NKAIN2: variants seen among roughly 807,000 people sequenced by gnomAD.
NKAIN2 encodes sodium/potassium transporting ATPase interacting 2.
Under a neutral mutation model 32.6 loss-of-function variants are expected in NKAIN2, and 14 were observed. The observed-to-expected ratio is 0.43, with a 90% confidence interval of 0.28 to 0.67. The LOEUF is 0.67. Among genes scored for constraint, NKAIN2 ranks in the 30% least tolerant of loss-of-function variants. NKAIN2 has a pLI of 0.17. For missense variants in NKAIN2, 198 were observed against 258.3 expected (o/e 0.77, Z 1.60); for synonymous variants, 80 against 87.2 (o/e 0.92, Z 0.46).
chr6:124,621,973 C>T (rs1783122865), intron 3 of NKAIN2, among the ~76,000 whole-genome samples: 1 of 152,132 alleles, frequency 6.6e-6, no homozygotes, highest in Non-Finnish European at 1.5e-5. Flanking sequence ...TAATTAATCT[C>T]ACATTTAAGT....
intron 3 of NKAIN2, among the ~76,000 whole-genome samples, chr6:124,600,230 G>A (rs990272876): frequency 3.9e-5 from 6 of 152,042 alleles, no homozygotes; most frequent in African/African-American, 1.2e-4. Flanking sequence ...AACATTTTGA[G>A]GTTAACATTG....
chr6:124,289,815 TG>T (rs1164439017), intron 2 of NKAIN2, among the ~76,000 whole-genome samples: 3 of 152,178 alleles, frequency 2.0e-5, no homozygotes, highest in Non-Finnish European at 4.4e-5. Context: ...CATTAATCTA[TG>T]TTCAAGTAGT....
In NKAIN2 at chr6:124,447,422, G is replaced by C. The variant is rs141970697; in HGVS notation, c.273+92075G>C. 1.6e-3 allele frequency among the ~76,000 whole-genome samples: 251 copies of C among 152,218 alleles called. 2 individuals are homozygous for C. Among genetic ancestry groups the C allele is most frequent in the African/African-American group, 5.8e-3 (241 of 41,560 alleles). On this transcript the variant is annotated intron_variant, in intron 3 of 6. Coordinates refer to ENST00000368417, the MANE Select transcript of NKAIN2 (RefSeq NM_001040214.3). ...GTTTTCATGAAAGAAGGATGGAAAT[G>C]CCTTAACCAGTTATTCTTGTAATTA...
chr6:123,909,941 T>C (rs1440009254), intron 1 of NKAIN2, among the ~76,000 whole-genome samples: 1 of 152,140 alleles, frequency 6.6e-6, no homozygotes, highest in African/African-American at 2.4e-5. Context: ...TGGGTGATTA[T>C]TAAATCTAGG....
intron 4 of NKAIN2, among the ~76,000 whole-genome samples, chr6:124,664,398 G>A (rs1772670632): frequency 6.6e-6 from 1 of 151,740 alleles, no homozygotes; most frequent in Admixed American, 6.6e-5. Flanking sequence ...TAATTGTGTT[G>A]ATAAACAAGA....
chr6:123,961,056 C>T (rs1363111202), intron 1 of NKAIN2, among the ~76,000 whole-genome samples: 2 of 152,108 alleles, frequency 1.3e-5, no homozygotes, highest in Non-Finnish European at 2.9e-5. Context: ...AGATGCAAAG[C>T]AGGAGATGCC....
intron 1 of NKAIN2, among the ~76,000 whole-genome samples, chr6:124,145,960 C>G (rs1787377561): frequency 6.6e-6 from 1 of 152,002 alleles, no homozygotes. Context: ...GGAGTAGGTA[C>G]ATGAAACTAT....
chr6:124,660,930 T>C (rs369290032), intron 4 of NKAIN2, among the ~76,000 whole-genome samples: 1 of 152,238 alleles, frequency 6.6e-6, no homozygotes, highest in African/African-American at 2.4e-5. Flanking sequence ...TGATCACTGA[T>C]GTAATGATTA....
At chr6:124,302,495 A>G (rs942169713) in intron 2 of NKAIN2, among the ~76,000 whole-genome samples, 6 of 152,186 alleles carry the variant, frequency 3.9e-5, no homozygotes, top group African/African-American at 1.4e-4. Context: ...GTATGCTAAT[A>G]TGTCAAAATG....
At chr6:124,376,688 T>G (rs1458261980) in intron 3 of NKAIN2, among the ~76,000 whole-genome samples, 4 of 152,172 alleles carry the variant, frequency 2.6e-5, no homozygotes, top group Admixed American at 6.5e-5. Context: ...CCAGCCTCAA[T>G]CTTCCCTATC....
At position 124,811,535 on chromosome 6, in the gene NKAIN2, C is replaced by T. The variant is rs534038363; in HGVS notation, c.536-6852C>T. 2.0e-5 allele frequency among the ~76,000 whole-genome samples: 3 copies of T among 152,120 alleles called. No homozygotes were observed. In the South Asian group the frequency reaches 6.2e-4, roughly 32 times the overall value. On this transcript the variant is annotated intron_variant, in intron 5 of 6. Coordinates refer to ENST00000368417, the MANE Select transcript of NKAIN2 (RefSeq NM_001040214.3). ...ATCTTACTTGGTAATTTCTAAATTCCACTATCATTAATGTTACTAAATCAT... is the reference window on the plus strand; with the variant it reads ...ATCTTACTTGGTAATTTCTAAATTCTACTATCATTAATGTTACTAAATCAT...
intron 3 of NKAIN2, among the ~76,000 whole-genome samples, chr6:124,378,659 T>G (rs540061526): frequency 6.6e-6 from 1 of 152,212 alleles, no homozygotes; most frequent in Middle Eastern, 3.4e-3. Context: ...GCCCTTCAGG[T>G]TAATAATTTT....
chr6:124,276,623 G>A (rs1218700602), intron 1 of NKAIN2, among the ~76,000 whole-genome samples: 2 of 152,034 alleles, frequency 1.3e-5, no homozygotes, highest in African/African-American at 4.8e-5. Flanking sequence ...ACAACACAGA[G>A]AATCTTAAAA....
At chr6:124,652,595 A>G (rs1186282670) in intron 3 of NKAIN2, among the ~76,000 whole-genome samples, 1 of 152,162 alleles carries the variant, frequency 6.6e-6, no homozygotes, top group African/African-American at 2.4e-5. Flanking sequence ...AATTTACAAT[A>G]AACAAGAATT....
chr6:123,891,380 C>T (rs17086289), intron 1 of NKAIN2, among the ~76,000 whole-genome samples: 2,007 of 152,200 alleles, frequency 0.013, 43 homozygotes, highest in African/African-American at 0.046. Context: ...GTAGAGCCAA[C>T]GGGATATCAT....
At chr6:124,051,998 C>T (rs1475565698) in intron 1 of NKAIN2, among the ~76,000 whole-genome samples, 3 of 152,022 alleles carry the variant, frequency 2.0e-5, no homozygotes, top group East Asian at 1.9e-4. Flanking sequence ...AAGAAGCAGA[C>T]TCCTGGACTA....
intron 3 of NKAIN2, among the ~76,000 whole-genome samples, chr6:124,545,955 T>C (rs981540802): frequency 2.0e-5 from 3 of 152,130 alleles, no homozygotes; most frequent in Non-Finnish European, 2.9e-5. Flanking sequence ...CAGAGACTGC[T>C]GTCTCTGCTT....
At chr6:124,781,542 A>ATT (rs1358255839) in intron 4 of NKAIN2, among the ~76,000 whole-genome samples, 2 of 152,184 alleles carry the variant, frequency 1.3e-5, no homozygotes. Flanking sequence ...TAAAAAAGTA[A>ATT]TGCACAGAAA....
At chr6:124,536,906 C>T (rs1221676920) in intron 3 of NKAIN2, among the ~76,000 whole-genome samples, 1 of 152,166 alleles carries the variant, frequency 6.6e-6, no homozygotes, top group African/African-American at 2.4e-5. Flanking sequence ...ACGACACAGC[C>T]AGCAATCTGG....
Sources: allele counts gnomAD v4.1 joint callset (sites outside exome capture counted in the v4.1 genomes callset), GRCh38; gene constraint gnomAD v4.1.1; transcripts MANE v1.5; gene names NCBI Gene and HGNC (gene_info 2026-07-23, HGNC 2026-07-21).